The following IP6K3 variants were observed in gnomAD, a reference collection of about 807,000 sequenced individuals.
IP6K3 encodes the protein ATP:1D-myo-inositol-hexakisphosphate phosphotransferase.
A neutral mutation model predicts 28.8 loss-of-function variants in IP6K3; 20 were observed. The ratio of observed to expected loss-of-function variants is 0.70; its 90% CI spans 0.49 to 1.01. The LOEUF (loss-of-function observed/expected upper bound fraction) is 1.01. IP6K3 is among the 50% of genes least tolerant of loss of function. The probability of loss-of-function intolerance (pLI) is 0.00; values close to 1 mark genes in which losing one functional copy is unlikely to be tolerated. For missense variants in IP6K3, 480 were observed against 537.1 expected, an observed-to-expected ratio of 0.89 and a Z score of 1.05; for synonymous variants, 213 against 221.3, an observed-to-expected ratio of 0.96 and a Z score of 0.33.
At chr6:33,748,197 C>T (rs1269632532), upstream of IP6K3, among the ~76,000 whole-genome samples, 1 of 152,150 alleles carries the variant, frequency 6.6e-6, no homozygotes. Context: ...CTGGTTCAGC[C>T]TCTCTCGGAC....
intron 2 of IP6K3, among the ~76,000 whole-genome samples, chr6:33,729,869 G>A (rs1246115757): frequency 6.6e-6 from 1 of 151,926 alleles, no homozygotes; most frequent in Non-Finnish European, 1.5e-5. Context: ...GCCCGCCACT[G>A]CACCCGGCTA....
the IP6K3 span, among the ~76,000 whole-genome samples, chr6:33,759,347 G>A: frequency 6.6e-6 from 1 of 152,106 alleles, no homozygotes; most frequent in Non-Finnish European, 1.5e-5. Context: ...CGCGATCTTG[G>A]CTCACTGCAA....
chr6:33,744,591 TG>T lies in IP6K3; in HGVS notation c.-180+2166del, dbSNP rs1766840437. On this transcript the variant is annotated intron_variant, in intron 1 of 5. Coordinates refer to ENST00000293756, the MANE Select transcript of IP6K3 (RefSeq NM_054111.5). This position sits in a 1 kb window ranked among gnomAD's most constrained non-coding sequence, Gnocchi z 4.4. The stretch of plus-strand genomic sequence containing the variant: ...CACCAGAGGGCAGCAGCACACACGT[TG>T]AGGCCCCAAATGCCTGAGAGGGATT... Among the ~76,000 whole-genome samples the T allele has an allele frequency of 6.6e-6, 1 of 152,076 alleles. No individual in the cohort carries two copies. Among genetic ancestry groups the T allele is most frequent in the African/African-American group, 2.4e-5 (1 of 41,390 alleles).
At chr6:33,725,663 G>C (rs1313358885) in intron 4 of IP6K3, 47 bp from the exon 5 acceptor site, 5 of 1,558,198 alleles carry the variant, frequency 3.2e-6, no homozygotes, top group Non-Finnish European at 4.4e-6. Flanking sequence ...CAGAACTGCT[G>C]CTCCGCCAGA....
chr6:33,761,607 G>A, the IP6K3 span, among the ~76,000 whole-genome samples: 27 of 152,022 alleles, frequency 1.8e-4, no homozygotes, highest in Non-Finnish European at 3.4e-4. Flanking sequence ...GGCTCTGGGG[G>A]CTTTGTGCAC....
upstream of IP6K3, among the ~76,000 whole-genome samples, chr6:33,749,651 C>T (rs73746503): frequency 0.083 from 12,531 of 151,354 alleles, 1,250 homozygotes; most frequent in African/African-American, 0.24. Context: ...TGTGTGTGCG[C>T]GCGGCCCCGG....
intron 2 of IP6K3, among the ~76,000 whole-genome samples, chr6:33,731,108 C>G (rs1006131816): frequency 5.9e-5 from 9 of 152,204 alleles, no homozygotes; most frequent in African/African-American, 1.9e-4. Context: ...CCAAGCCCAT[C>G]TTTCCAGGTG....
chr6:33,726,340 G>T (rs1448193010), intron 4 of IP6K3, among the ~76,000 whole-genome samples: 1 of 152,198 alleles, frequency 6.6e-6, no homozygotes, highest in Non-Finnish European at 1.5e-5. Flanking sequence ...AAGGGAGGTT[G>T]GGGCTGGGGG....
intron 2 of IP6K3, among the ~76,000 whole-genome samples, chr6:33,731,043 T>C (rs1328618555): frequency 1.3e-5 from 2 of 152,198 alleles, no homozygotes; most frequent in East Asian, 1.9e-4. Context: ...GGAAGGAGGA[T>C]TGGAGTGCTT....
chr6:33,751,306 G>A (rs1166229091), upstream of IP6K3, among the ~76,000 whole-genome samples: 11 of 152,198 alleles, frequency 7.2e-5, no homozygotes, highest in Non-Finnish European at 1.6e-4. The surrounding 1 kb of genome is among the most constrained non-coding windows in gnomAD (Gnocchi z 4.3). Context: ...TGAAGATACT[G>A]GGGTAGAAGG....
intron 5 of IP6K3, among the ~76,000 whole-genome samples, chr6:33,724,001 G>T (rs551783371): frequency 6.6e-6 from 1 of 152,348 alleles, no homozygotes; most frequent in Non-Finnish European, 1.5e-5. Flanking sequence ...GGCCGGGGGG[G>T]GGTGGCACCC....
the IP6K3 span, among the ~76,000 whole-genome samples, chr6:33,755,327 A>C: frequency 7.2e-5 from 11 of 152,180 alleles, no homozygotes; most frequent in African/African-American, 2.4e-4. Context: ...GTGCAGATAA[A>C]ATTAGGCCTA....
At chr6:33,749,837 CAA>C (rs752349493), upstream of IP6K3, among the ~76,000 whole-genome samples, 1 of 152,038 alleles carries the variant, frequency 6.6e-6, no homozygotes, top group Admixed American at 6.5e-5. Flanking sequence ...GTGGAGGAAA[CAA>C]GAGTGGCCTA....
rs375215554 is a variant in IP6K3 at position 33,734,965 on chromosome 6, C to T, written c.199+313G>A. 1.4e-4 allele frequency among the ~76,000 whole-genome samples: 22 copies of T among 152,274 alleles called. No individual in the cohort carries two copies. In the East Asian group the frequency reaches 1.7e-3, roughly 12 times the overall value. ...AGCATGAGATGGCTGGCTATGGCACCGGGAAGGCACAGACCAGAATGCCGC... is the reference window on the plus strand; with the variant it reads ...AGCATGAGATGGCTGGCTATGGCACTGGGAAGGCACAGACCAGAATGCCGC... On this transcript the variant is annotated intron_variant, in intron 2 of 5. Coordinates refer to ENST00000293756, the MANE Select transcript of IP6K3 (RefSeq NM_054111.5).
the IP6K3 span, among the ~76,000 whole-genome samples, chr6:33,758,168 G>A: frequency 4.8e-3 from 729 of 152,228 alleles, 6 homozygotes; most frequent in African/African-American, 0.016. Flanking sequence ...ACCTGGAGAG[G>A]AGGTTTAAAG....
chr6:33,747,455 G>C (rs532878130), upstream of IP6K3, among the ~76,000 whole-genome samples: 5 of 152,308 alleles, frequency 3.3e-5, no homozygotes, highest in South Asian at 1.0e-3. This position sits in a 1 kb window ranked among gnomAD's most constrained non-coding sequence, Gnocchi z 5.2. Flanking sequence ...GATTACAGCT[G>C]GGGGGCTCAG....
the IP6K3 span, among the ~76,000 whole-genome samples, chr6:33,759,415 G>A: frequency 6.6e-6 from 1 of 152,120 alleles, no homozygotes; most frequent in East Asian, 1.9e-4. Context: ...CTAATTTTTT[G>A]TATACACAGG....
At chr6:33,739,972 A>T (rs1468190133) in intron 1 of IP6K3, among the ~76,000 whole-genome samples, 1 of 152,228 alleles carries the variant, frequency 6.6e-6, no homozygotes. Flanking sequence ...AAGCATTGCC[A>T]CCACGCAGGG....
the IP6K3 span, among the ~76,000 whole-genome samples, chr6:33,761,772 C>G: frequency 6.6e-6 from 1 of 152,074 alleles, no homozygotes; most frequent in African/African-American, 2.4e-5. Flanking sequence ...GCCTGGGTGT[C>G]TCTGTCTGGC....
Sources: gnomAD v4.1 joint callset for allele counts (sites outside exome capture counted in the v4.1 genomes callset) on GRCh38, gnomAD v4.1.1 for gene constraint, Gnocchi (gnomAD v3.1) non-coding constraint, MANE v1.5 for transcripts, NCBI Gene and HGNC (gene_info 2026-07-23, HGNC 2026-07-21) for gene names.